NR1I2: variants seen among roughly 807,000 people sequenced by gnomAD.
The protein encoded by NR1I2 is orphan nuclear receptor PAR1.
NR1I2 carries 42 observed loss-of-function variants against 43.3 expected under a neutral mutation model. The observed-to-expected ratio is 0.97, with a 90% CI of 0.76 to 1.26. NR1I2 has a LOEUF of 1.26. NR1I2 is among the 50% of genes most tolerant of loss of function. NR1I2 has a pLI of 0.00. For synonymous variants in NR1I2, 229 were observed against 215.0 expected (o/e 1.06, Z -0.57); for missense variants, 559 against 566.7 (o/e 0.99, Z 0.14).
chr3:119,815,565 C>A (rs2055313826), intron 7 of NR1I2, 126 bp downstream of exon 7: 1 of 1,033,272 alleles, frequency 9.7e-7, no homozygotes, highest in East Asian at 2.5e-5. Context: ...TCGCTGGTTT[C>A]TCCTGGGGTC....
chr3:119,812,136 G>A (rs2055252630), intron 4 of NR1I2, among the ~76,000 whole-genome samples: 1 of 152,072 alleles, frequency 6.6e-6, no homozygotes, highest in Non-Finnish European at 1.5e-5. Flanking sequence ...GGCATTCGGG[G>A]CTTTATGAGG....
chr3:119,807,629 C>T (rs535803357), intron 2 of NR1I2, among the ~76,000 whole-genome samples, 182 bp downstream of exon 2: 61 of 152,350 alleles, frequency 4.0e-4, no homozygotes, highest in Non-Finnish European at 4.4e-4. Context: ...TTCAGTCTTC[C>T]TGTTCTACCC....
chr3:119,817,255 AGAGCCCTCT>A lies in NR1I2; in HGVS notation c.*49_*57del, dbSNP rs779392224. The A allele has an allele frequency of 2.5e-6, 4 of 1,610,750 alleles. No individual in the cohort carries two copies. The highest frequency in any genetic ancestry group is 2.5e-6 in the Non-Finnish European group (3 of 1,179,796). On this transcript the variant is annotated 3_prime_UTR_variant, in exon 9 of 9. Coordinates refer to ENST00000393716, the MANE Select transcript of NR1I2 (RefSeq NM_003889.4). ...ACACCTCCGAGAGGCAGCCAGACCC[AGAGCCCTCT>A]GAGCCGCCACTCCCGGGCCAAGACA...
At chr3:119,813,214 C>T (rs535980465) in intron 5 of NR1I2, among the ~76,000 whole-genome samples, 1 of 152,216 alleles carries the variant, frequency 6.6e-6, no homozygotes, top group African/African-American at 2.4e-5. Flanking sequence ...AAATGCCTCC[C>T]CTGCAGGGCT....
chr3:119,794,893 C>T (rs1330963964), intron 1 of NR1I2, among the ~76,000 whole-genome samples: 1 of 152,182 alleles, frequency 6.6e-6, no homozygotes, highest in Non-Finnish European at 1.5e-5. Flanking sequence ...GTGCCAAGAT[C>T]GTGCCTTTGC....
chr3:119,790,821 T>G (rs2054907174), intron 1 of NR1I2, among the ~76,000 whole-genome samples: 1 of 152,212 alleles, frequency 6.6e-6, no homozygotes, highest in African/African-American at 2.4e-5. Context: ...GTACATTTCT[T>G]CCTTGCAAAC....
rs918627704 is a variant in NR1I2 at position 119,792,074 on chromosome 3, A to C, written c.-23+9774A>C. On this transcript the variant is annotated intron_variant, in intron 1 of 8. Coordinates refer to ENST00000393716, the MANE Select transcript of NR1I2 (RefSeq NM_003889.4). ...CAGTCATCACTGGTAGCAAAGATTT[A>C]CAGAATGTCAATATCATTCCGTGCA... is the stretch of plus-strand genomic sequence containing the variant. The C allele has an allele frequency of 1.3e-5, 10 of 746,434 alleles. No homozygotes were observed. The African/African-American group carries it at 1.7e-4, about 13-fold the overall frequency. 46.2% of individuals were successfully genotyped at this position (746,434 alleles called of 1,614,324 possible).
chr3:119,815,521 C>A, intron 7 of NR1I2, 82 bp downstream of exon 7: 1 of 1,253,560 alleles, frequency 8.0e-7, no homozygotes, highest in Non-Finnish European at 1.2e-6. Context: ...TATGGCCTTG[C>A]TCCTCATTCA....
intron 1 of NR1I2, among the ~76,000 whole-genome samples, chr3:119,805,707 T>G (rs988888515): frequency 1.2e-4 from 5 of 41,832 alleles, no homozygotes; most frequent in African/African-American, 2.3e-4. Flanking sequence ...GGTCCCCCCC[T>G]CCCCCCCACC....
At chr3:119,808,376 T>C (rs1251223085) in intron 2 of NR1I2, among the ~76,000 whole-genome samples, 1 of 152,252 alleles carries the variant, frequency 6.6e-6, no homozygotes, top group East Asian at 1.9e-4. Context: ...TAAGGAAATC[T>C]TTCCCAGGAG....
In NR1I2 at chr3:119,818,454, G is replaced by C; in HGVS notation, c.*1242G>C. 1 of 985,182 alleles carries C rather than the reference G, an allele frequency of 1.0e-6. No homozygotes were observed. 61.0% of individuals were successfully genotyped at this position (985,182 alleles called of 1,614,324 possible). ...GCCCTGGGTTTAATGTCAAATCAAG[G>C]CAAAAGGAATTAAATAATGTACTTT... On this transcript the variant is annotated 3_prime_UTR_variant, in exon 9 of 9. Coordinates refer to ENST00000393716, the MANE Select transcript of NR1I2 (RefSeq NM_003889.4).
chr3:119,795,034 G>A (rs1016796876), intron 1 of NR1I2, among the ~76,000 whole-genome samples: 5 of 152,196 alleles, frequency 3.3e-5, no homozygotes, highest in Non-Finnish European at 5.9e-5. Flanking sequence ...TGACTAAAGG[G>A]CACCTCTACT....
At chr3:119,810,868 A>G (rs1043777253) in intron 3 of NR1I2, among the ~76,000 whole-genome samples, 1 of 152,180 alleles carries the variant, frequency 6.6e-6, no homozygotes, top group African/African-American at 2.4e-5. Context: ...CAAGGACCTC[A>G]TAGCTTTGTT....
At chr3:119,790,786 G>A (rs2054906676) in intron 1 of NR1I2, among the ~76,000 whole-genome samples, 1 of 152,194 alleles carries the variant, frequency 6.6e-6, no homozygotes, top group South Asian at 2.1e-4. Context: ...TGGAAGGCAT[G>A]TTTAAGTGTT....
At chr3:119,785,872 T>C (rs765081099) in intron 1 of NR1I2, among the ~76,000 whole-genome samples, 104 of 152,216 alleles carry the variant, frequency 6.8e-4, no homozygotes, top group Admixed American at 1.5e-3. Flanking sequence ...AATCTTTATT[T>C]TTTATTTTAA....
At chr3:119,807,689 T>C (rs1211759481) in intron 2 of NR1I2, among the ~76,000 whole-genome samples, 1 of 152,254 alleles carries the variant, frequency 6.6e-6, no homozygotes, top group African/African-American at 2.4e-5. Flanking sequence ...CCATGTGCTC[T>C]TGAATAAAAT....
chr3:119,818,197 AATGCTGGGT>A lies in NR1I2; in HGVS notation c.*991_*999del, dbSNP rs1472781335. ...GGCCTGGGTTTGTTCCTGGGGCTGG[AATGCTGGGT>A]ATGCTCTGTGACAAGGCTACGCTGA... On this transcript the variant is annotated 3_prime_UTR_variant, in exon 9 of 9. Transcript: ENST00000393716. 6.1e-6 allele frequency: 6 copies of A among 985,638 alleles called. No individual in the cohort carries two copies. The African/African-American group carries it at 1.0e-4, about 17-fold the overall frequency. The allele number at this position is 985,638 out of a possible 1,614,324, so 61.1% of individuals were successfully genotyped here.
intron 6 of NR1I2, 93 bp from the exon 7 acceptor site, chr3:119,815,230 A>T: frequency 6.3e-7 from 1 of 1,580,992 alleles, no homozygotes; most frequent in Non-Finnish European, 8.7e-7. Context: ...GGGCAGGAAG[A>T]TGGAATGGTG....
intron 1 of NR1I2, among the ~76,000 whole-genome samples, chr3:119,800,616 C>A (rs539825129): frequency 1.3e-5 from 2 of 152,046 alleles, no homozygotes; most frequent in Non-Finnish European, 2.9e-5. Context: ...GTGGAGAATG[C>A]GGTCTTGCTG....
Sources: allele counts gnomAD v4.1 joint callset (sites outside exome capture counted in the v4.1 genomes callset), GRCh38; gene constraint gnomAD v4.1.1; transcripts MANE v1.5; gene names NCBI Gene and HGNC (gene_info 2026-07-23, HGNC 2026-07-21).